Variants in KHNYN observed in about 807,000 individuals in gnomAD.
KHNYN encodes KH and NYN domain containing.
Under a neutral mutation model 62.7 loss-of-function variants are expected in KHNYN, and 42 were observed. That is an observed-to-expected ratio of 0.67 (90% CI 0.52 to 0.87). The LOEUF (loss-of-function observed/expected upper bound fraction) is 0.87. KHNYN is among the 40% of genes least tolerant of loss of function. The pLI is 0.00. For missense variants in KHNYN, 829 were observed against 874.1 expected, an observed-to-expected ratio of 0.95 and a Z score of 0.65; for synonymous variants, 347 against 345.6, an observed-to-expected ratio of 1.00 and a Z score of -0.04.
chr14:24,429,163 A>G (rs896996224), upstream of KHNYN: 1 of 1,180,764 alleles, frequency 8.5e-7, no homozygotes, highest in Non-Finnish European at 1.2e-6. Context: ...TGCCCTCTCT[A>G]GGCTCGCTGA....
In KHNYN at chr14:24,440,915, G is replaced by A; in HGVS notation, c.*3630G>A. 6.2e-7 allele frequency: 1 copy of A among 1,614,044 alleles called. No individual in the cohort carries two copies. The highest frequency in any genetic ancestry group is 8.5e-7 in the Non-Finnish European group (1 of 1,179,902). On this transcript the variant is annotated 3_prime_UTR_variant, in exon 8 of 8. Coordinates refer to ENST00000553935, the MANE Select transcript of KHNYN (RefSeq NM_015299.3). ...TCATCATACTCCGCAGTCAGACTGG[G>A]CTGGTAGTAAGCTGCCGGTGGAACA...
At chr14:24,435,886 A>G (rs1356284250) in intron 5 of KHNYN, 186 bp from the exon 6 acceptor site, 4 of 608,588 alleles carry the variant, frequency 6.6e-6, no homozygotes, top group South Asian at 4.0e-5. Context: ...GAGAGTCCCA[A>G]ATGGTTGCTG....
chr14:24,424,365 A>T (rs1374133591), upstream of KHNYN, among the ~76,000 whole-genome samples: 2 of 152,236 alleles, frequency 1.3e-5, no homozygotes, highest in African/African-American at 4.8e-5. Flanking sequence ...GGAAATTTTC[A>T]AGCCCATACG....
Position 24,441,038 on chromosome 14 carries a change from G to T in KHNYN, c.*3753G>T. On this transcript the variant is annotated 3_prime_UTR_variant, in exon 8 of 8. Transcript: ENST00000553935. ...TCTGGCCCTTAGGATCTCCCCATTT[G>T]GAGACAGAGCCATTTGGATATTTTC... 1 of 1,154,588 alleles carries T rather than the reference G, an allele frequency of 8.7e-7. No individual in the cohort carries two copies. The highest frequency in any genetic ancestry group is 1.3e-6 in the Non-Finnish European group (1 of 780,244). The allele number at this position is 1,154,588 out of a possible 1,614,324, so 71.5% of individuals were successfully genotyped here.
chr14:24,429,539 CTTTCCG>C, upstream of KHNYN: 1 of 455,788 alleles, frequency 2.2e-6, no homozygotes, highest in South Asian at 1.8e-5. Context: ...TTCGTGGCAT[CTTTCCG>C]TTTGTTGGAA....
rs756074709 is a variant in KHNYN at position 24,432,397 on chromosome 14, G to A, written c.1136G>A (p.Arg379Gln). 9 of 1,613,516 alleles carry A rather than the reference G, an allele frequency of 5.6e-6. No homozygotes were observed. The highest frequency in any genetic ancestry group is 5.0e-5 in the Admixed American group (3 of 60,006). Residue 379 changes from arginine to glutamine, a missense_variant, in exon 3 of 8, where the codon CGG becomes CAG. Transcript: ENST00000553935. The surrounding 1 kb of genome is among the most constrained non-coding windows in gnomAD (Gnocchi z 5.6). ...GGAGACCGGGGTGACTGCGGAGACCGGGGAGACGTGGGGGACAGGGGAGAC... is the reference window on the plus strand; with the variant it reads ...GGAGACCGGGGTGACTGCGGAGACCAGGGAGACGTGGGGGACAGGGGAGAC... ...HCGDRGDCGDRGDVGDRGDKQ... is the reference protein window; with the variant it reads ...HCGDRGDCGDQGDVGDRGDKQ...
chr14:24,434,646 G>A (rs1421682384), intron 5 of KHNYN, among the ~76,000 whole-genome samples: 2 of 152,030 alleles, frequency 1.3e-5, no homozygotes, highest in Admixed American at 6.6e-5. Context: ...CTCATGATCC[G>A]CCCACCTCAG....
At chr14:24,428,421 C>T (rs766727186), upstream of KHNYN, 1 of 1,613,286 alleles carries the variant, frequency 6.2e-7, no homozygotes, top group African/African-American at 1.3e-5. Flanking sequence ...GGAAGCAGAG[C>T]CTGCTGAGTG....
In KHNYN at chr14:24,440,524, C is replaced by A; in HGVS notation, c.*3239C>A. 6.3e-7 allele frequency: 1 copy of A among 1,577,146 alleles called. No individual in the cohort carries two copies. The highest frequency in any genetic ancestry group is 8.6e-7 in the Non-Finnish European group (1 of 1,161,472). ...CAGGAAAGAGGGAAGGTACAGGGGTCCTCTCAGCCTTGAAGGAGCCCACTG... is the reference window on the plus strand; with the variant it reads ...CAGGAAAGAGGGAAGGTACAGGGGTACTCTCAGCCTTGAAGGAGCCCACTG... On this transcript the variant is annotated 3_prime_UTR_variant, in exon 8 of 8. Coordinates refer to ENST00000553935, the MANE Select transcript of KHNYN (RefSeq NM_015299.3).
chr14:24,426,813 G>A (rs1176837675), upstream of KHNYN: 1 of 152,326 alleles, frequency 6.6e-6, no homozygotes, highest in African/African-American at 2.4e-5. Context: ...AGCCTAAGGA[G>A]GAGAATAAGA....
At chr14:24,428,868 C>T, upstream of KHNYN, 1 of 1,608,258 alleles carries the variant, frequency 6.2e-7, no homozygotes, top group Non-Finnish European at 8.5e-7. Flanking sequence ...TCTCCCAGGG[C>T]TGCTCCCCCG....
At chr14:24,428,108 C>A, upstream of KHNYN, 2 of 1,326,324 alleles carry the variant, frequency 1.5e-6, no homozygotes, top group South Asian at 2.7e-5. Flanking sequence ...GGCTGAGGGG[C>A]GGCCAGCATT....
chr14:24,440,976 G>A lies in KHNYN; in HGVS notation c.*3691G>A, dbSNP rs2043319785. ...CCCTGGGTGTCCTTGGTCCTGCCTG[G>A]CTCTCTGTAGTGGAGGCTCCCCTTG... On this transcript the variant is annotated 3_prime_UTR_variant, in exon 8 of 8. Coordinates refer to ENST00000553935, the MANE Select transcript of KHNYN (RefSeq NM_015299.3). The A allele has an allele frequency of 2.5e-6, 4 of 1,607,706 alleles. No individual in the cohort carries two copies. Among genetic ancestry groups the A allele is most frequent in the Non-Finnish European group, 3.4e-6 (4 of 1,175,150 alleles).
At chr14:24,434,759 G>A (rs1016617794) in intron 5 of KHNYN, among the ~76,000 whole-genome samples, 1 of 152,178 alleles carries the variant, frequency 6.6e-6, no homozygotes, top group Non-Finnish European at 1.5e-5. Context: ...CTCAGAGCCT[G>A]ATATCTGTCA....
At chr14:24,429,679 T>C, upstream of KHNYN, 1 of 985,046 alleles carries the variant, frequency 1.0e-6, no homozygotes, top group East Asian at 1.1e-4. Context: ...GCTGCCTCTT[T>C]GGTCGGCCAC....
chr14:24,433,218 A>G (rs995888393), intron 5 of KHNYN, among the ~76,000 whole-genome samples, 186 bp downstream of exon 5: 1 of 152,194 alleles, frequency 6.6e-6, no homozygotes, highest in African/African-American at 2.4e-5. Flanking sequence ...GATGAGATGA[A>G]CTGTAGACAA....
intron 1 of KHNYN, 169 bp from the exon 2 acceptor site, chr14:24,430,545 C>T (rs1476432012): frequency 5.7e-6 from 8 of 1,413,280 alleles, no homozygotes; most frequent in Non-Finnish European, 6.4e-6. Flanking sequence ...GAGAGGCCTG[C>T]GTGACATACA....
chr14:24,432,503 G>A lies in KHNYN; in HGVS notation c.1242G>A (p.Gln414=). Residue 414 remains glutamine, a synonymous_variant, in exon 3 of 8, where the codon CAG becomes CAA. Transcript: ENST00000553935. This position sits in a 1 kb window ranked among gnomAD's most constrained non-coding sequence, Gnocchi z 5.6. ...GGGGCAACTTGGTGACTGGCACACA[G>A]CGTTTCAAGGAGGCCCTGCAGGATC... ...ARGGNLVTGT[Q]RFKEALQDPF... 6.2e-7 allele frequency: 1 copy of A among 1,613,842 alleles called. No homozygotes were observed. Among genetic ancestry groups the A allele is most frequent in the Non-Finnish European group, 8.5e-7 (1 of 1,179,972 alleles).
chr14:24,441,301 T>C lies in KHNYN; in HGVS notation c.*4016T>C. 2.3e-6 allele frequency: 1 copy of C among 442,168 alleles called. No individual in the cohort carries two copies. The highest frequency in any genetic ancestry group is 4.1e-6 in the Non-Finnish European group (1 of 243,468). The allele number at this position is 442,168 out of a possible 1,614,324, so 27.4% of individuals were successfully genotyped here. A position where few individuals can be genotyped will look rare whatever the true frequency, so the allele number is the denominator to read the frequency against. ...AATAATAGTACCTACCTCATAGGGT[T>C]GTTGTAAGGAATAAATGATAATAAG... On this transcript the variant is annotated 3_prime_UTR_variant, in exon 8 of 8. Transcript: ENST00000553935.
Sources: gnomAD v4.1 joint callset for allele counts (sites outside exome capture counted in the v4.1 genomes callset) on GRCh38, gnomAD v4.1.1 for gene constraint, Gnocchi (gnomAD v3.1) non-coding constraint, MANE v1.5 for transcripts, NCBI Gene and HGNC (gene_info 2026-07-23, HGNC 2026-07-21) for gene names.